BACH2: variants seen among roughly 807,000 people sequenced by gnomAD.
The protein encoded by BACH2 is BACH transcriptional regulator 2, also known as transcription regulator protein BACH2.
A neutral mutation model predicts 61.8 loss-of-function variants in BACH2; 5 were observed. The observed-to-expected ratio is 0.08, with a 90% CI of 0.04 to 0.17. The LOEUF is 0.17. Among genes scored for constraint, BACH2 ranks in the 10% least tolerant of loss-of-function variants. BACH2 has a pLI of 1.00. For missense variants in BACH2, 824 were observed against 1,091.1 expected (o/e 0.76, Z 3.45); for synonymous variants, 446 against 440.1 (o/e 1.01, Z -0.17).
At chr6:90,089,956 C>T (rs1782094696) in intron 4 of BACH2, among the ~76,000 whole-genome samples, 1 of 152,060 alleles carries the variant, frequency 6.6e-6, no homozygotes, top group African/African-American at 2.4e-5. Flanking sequence ...GCCAGGTTTT[C>T]CTACCAAAGA....
intron 4 of BACH2, among the ~76,000 whole-genome samples, chr6:90,121,545 TAATTA>T (rs1193416476): frequency 6.6e-6 from 1 of 152,174 alleles, no homozygotes; most frequent in Non-Finnish European, 1.5e-5. Flanking sequence ...ATTAATTAAT[TAATTA>T]ATTTATTTTG....
intron 5 of BACH2, among the ~76,000 whole-genome samples, chr6:90,065,033 T>C (rs1780875696): frequency 6.6e-6 from 1 of 152,114 alleles, no homozygotes; most frequent in Non-Finnish European, 1.5e-5. Flanking sequence ...TTACAGAGTC[T>C]TGGGTGGTCC....
At chr6:89,937,818 A>G (rs989699806) in intron 8 of BACH2, among the ~76,000 whole-genome samples, 4 of 152,258 alleles carry the variant, frequency 2.6e-5, no homozygotes, top group African/African-American at 9.6e-5. Flanking sequence ...GGCGTGAGCC[A>G]CCACATCTGG....
chr6:90,296,572 T>C lies in BACH2; in HGVS notation c.-538A>G. On this transcript the variant is annotated 5_prime_UTR_variant, in exon 1 of 9. Transcript: ENST00000257749. ...CCCGGCAGCCGGCGAGGTGGGCAGTTCGTGGGTCACCGAAAGCTCGCGGAG... is the reference window on the plus strand; with the variant it reads ...CCCGGCAGCCGGCGAGGTGGGCAGTCCGTGGGTCACCGAAAGCTCGCGGAG... 1 of 151,688 alleles carries C rather than the reference T, an allele frequency of 6.6e-6. No homozygotes were observed. Among genetic ancestry groups the C allele is most frequent in the East Asian group, 1.9e-4 (1 of 5,182 alleles). The allele number at this position is 151,688 out of a possible 1,614,324, so 9.4% of individuals were successfully genotyped here.
chr6:90,108,580 A>ACAGCCTGAGAT (rs66512357), intron 4 of BACH2, among the ~76,000 whole-genome samples: 40 of 151,920 alleles, frequency 2.6e-4, no homozygotes, highest in Middle Eastern at 3.4e-3. Flanking sequence ...AGCTTGGGAA[A>ACAGCCTGAGAT]CAGCCTGAGA....
chr6:90,190,359 C>T (rs141694933), intron 4 of BACH2, among the ~76,000 whole-genome samples: 36 of 152,276 alleles, frequency 2.4e-4, no homozygotes, highest in Middle Eastern at 3.4e-3. Flanking sequence ...AATATTCAGG[C>T]CTGAAAAAAT....
At chr6:90,041,464 TA>T (rs1779528805) in intron 5 of BACH2, among the ~76,000 whole-genome samples, 1 of 151,980 alleles carries the variant, frequency 6.6e-6, no homozygotes, top group African/African-American at 2.4e-5. Context: ...TAAATTATAT[TA>T]AAAGATTTTT....
chr6:90,170,432 G>A (rs984629386), intron 4 of BACH2, among the ~76,000 whole-genome samples: 9 of 152,088 alleles, frequency 5.9e-5, no homozygotes, highest in African/African-American at 2.2e-4. Context: ...AAGAATTTTT[G>A]TCTGCTTTAA....
chr6:89,987,093 T>C (rs550375994), intron 6 of BACH2, among the ~76,000 whole-genome samples: 25 of 152,324 alleles, frequency 1.6e-4, no homozygotes, highest in Non-Finnish European at 2.9e-4. Flanking sequence ...ACTGGTGAGC[T>C]ACTCCAGGAG....
intron 2 of BACH2, among the ~76,000 whole-genome samples, chr6:90,267,784 T>C (rs1001079677): frequency 1.3e-5 from 2 of 152,154 alleles, no homozygotes; most frequent in African/African-American, 4.8e-5. Flanking sequence ...GTATTGTTTA[T>C]GATGCCATTT....
intron 3 of BACH2, among the ~76,000 whole-genome samples, chr6:90,211,786 A>C (rs996377082): frequency 6.6e-6 from 1 of 151,972 alleles, no homozygotes; most frequent in Non-Finnish European, 1.5e-5. Flanking sequence ...TAGCTCAGGC[A>C]CTCCTGTGGG....
At chr6:90,034,344 A>G (rs1779161588) in intron 5 of BACH2, among the ~76,000 whole-genome samples, 1 of 152,098 alleles carries the variant, frequency 6.6e-6, no homozygotes, top group Non-Finnish European at 1.5e-5. Flanking sequence ...TAATATAACA[A>G]TTTCAAAAGC....
intron 6 of BACH2, among the ~76,000 whole-genome samples, chr6:89,991,223 G>A (rs1344522024): frequency 6.6e-6 from 1 of 152,178 alleles, no homozygotes; most frequent in Non-Finnish European, 1.5e-5. Flanking sequence ...TTCAATGAAT[G>A]GAGAACCTTC....
At chr6:89,990,199 C>T (rs1434366864) in intron 6 of BACH2, among the ~76,000 whole-genome samples, 1 of 152,180 alleles carries the variant, frequency 6.6e-6, no homozygotes, top group Admixed American at 6.5e-5. Context: ...ATGTGGGGAG[C>T]TATACCCTTA....
At chr6:89,962,187 C>G (rs1414593487) in intron 6 of BACH2, among the ~76,000 whole-genome samples, 1 of 151,280 alleles carries the variant, frequency 6.6e-6, no homozygotes, top group Non-Finnish European at 1.5e-5. Context: ...TCATATTATT[C>G]CCCCTGCAGT....
chr6:90,141,837 T>C (rs1784471855), intron 4 of BACH2, among the ~76,000 whole-genome samples: 1 of 152,302 alleles, frequency 6.6e-6, no homozygotes, highest in East Asian at 1.9e-4. Context: ...TCCCAGCACT[T>C]TGGGAGGCCA....
rs139329394 is a variant in BACH2 at position 90,000,230 on chromosome 6, C to A, written c.243+8372G>T. On this transcript the variant is annotated intron_variant, in intron 6 of 8. Transcript: ENST00000257749. ...TCTGTGGCGCTGCCTTACCGCAACT[C>A]CATCCGAGACTGAGGACCACATTTC... Among the ~76,000 whole-genome samples, 22 of 152,328 alleles carry A rather than the reference C, an allele frequency of 1.4e-4. No homozygotes were observed. The South Asian group carries it at 3.9e-3, about 27-fold the overall frequency.
chr6:90,250,362 T>C (rs1184189745), intron 3 of BACH2, among the ~76,000 whole-genome samples: 2 of 152,252 alleles, frequency 1.3e-5, no homozygotes, highest in African/African-American at 4.8e-5. Flanking sequence ...ACAGTTGTTT[T>C]AGAAATCACT....
chr6:89,933,910 CGGGT>C (rs1562304258), intron 8 of BACH2, among the ~76,000 whole-genome samples: 1 of 151,846 alleles, frequency 6.6e-6, no homozygotes, highest in Non-Finnish European at 1.5e-5. Context: ...CACTTGTGCC[CGGGT>C]GGTGGAAGCT....
Sources: gnomAD v4.1 joint callset for allele counts (sites outside exome capture counted in the v4.1 genomes callset) on GRCh38, gnomAD v4.1.1 for gene constraint, MANE v1.5 for transcripts, NCBI Gene and HGNC (gene_info 2026-07-23, HGNC 2026-07-21) for gene names.